Variants in FAM83G observed in about 807,000 individuals in gnomAD.
The protein encoded by FAM83G is scaffolding CK1 anchoring protein G.
In FAM83G, 38 loss-of-function variants were observed where a neutral mutation model predicts 61.5. The ratio of observed to expected loss-of-function variants is 0.62; its 90% CI spans 0.48 to 0.81. The LOEUF (loss-of-function observed/expected upper bound fraction) is 0.81. FAM83G is among the 30% of genes least tolerant of loss of function. FAM83G has a pLI of 0.00. For missense variants in FAM83G, 989 were observed against 1,133.6 expected (o/e 0.87, Z 1.83); for synonymous variants, 470 against 476.1 (o/e 0.99, Z 0.17).
In FAM83G at chr17:18,978,259, C is replaced by T. The variant is rs117693306; in HGVS notation, c.1407G>A (p.Arg469=). ...GGGGAGGGCAAGGCTCTGGACGGGG[C>T]CTGCTGTCCTGGCTCTGCTTCCACA... ...HQLWKQSQDS[R]PRPEPCPPPE... The change falls in exon 5 of 6, where the codon AGG becomes AGA. Residue 469 remains arginine, a synonymous_variant. Transcript: ENST00000388995. 3.4e-3 allele frequency: 5,424 copies of T among 1,605,896 alleles called. 222 individuals are homozygous for T. In the East Asian group the frequency reaches 0.084, roughly 25 times the overall value.
chr17:18,997,501 G>C (rs1021895414), intron 2 of FAM83G, among the ~76,000 whole-genome samples: 1 of 152,208 alleles, frequency 6.6e-6, no homozygotes, highest in African/African-American at 2.4e-5. Flanking sequence ...TTTTCAAACA[G>C]GAAAATCTCA....
Position 19,003,943 on chromosome 17 carries a change from C to T in FAM83G, c.99G>A (p.Leu33=), listed in dbSNP as rs2043806566. 2.5e-6 allele frequency: 4 copies of T among 1,612,964 alleles called. No individual in the cohort carries two copies. The highest frequency in any genetic ancestry group is 3.4e-6 in the Non-Finnish European group (4 of 1,179,932). Residue 33 remains leucine, a synonymous_variant, in exon 2 of 6, where the codon CTG becomes CTA. Transcript: ENST00000388995. This position sits in a 1 kb window ranked among gnomAD's most constrained non-coding sequence, Gnocchi z 4.5. The part of the protein sequence containing the change: ...PEFFYSEEQR[L]ALEALVARGR... ...CGCGGGCCACCAGGGCCTCCAGCGC[C>T]AGCCGCTGCTCCTCGCTGTAGAAGA...
chr17:18,987,679 C>T (rs571955026), intron 3 of FAM83G, among the ~76,000 whole-genome samples: 3 of 152,366 alleles, frequency 2.0e-5, no homozygotes, highest in East Asian at 1.9e-4. Flanking sequence ...TCCCCCACCC[C>T]AAAGGTTCTT....
intron 4 of FAM83G, chr17:18,979,239 C>T: frequency 2.1e-6 from 1 of 473,480 alleles, no homozygotes; most frequent in Non-Finnish European, 3.8e-6. Flanking sequence ...GTGGTGGTGC[C>T]CACAGAGCTG....
intron 2 of FAM83G, among the ~76,000 whole-genome samples, chr17:18,999,665 C>G (rs2043677111): frequency 6.6e-6 from 1 of 152,242 alleles, no homozygotes. Flanking sequence ...CAGAGCCAAG[C>G]TGTGGGCCAG....
In FAM83G at chr17:18,978,238, A is replaced by G; in HGVS notation, c.1428T>C (p.Pro476=). The stretch of plus-strand genomic sequence containing the variant: ...CCTGGGGGGCACTGGGCTCTGGGGG[A>G]GGGCAAGGCTCTGGACGGGGCCTGC... ...QDSRPRPEPC[P]PPEPSAPQDG... is the part of the protein sequence containing the mutation. Residue 476 remains proline, a synonymous_variant, in exon 5 of 6, where the codon CCT becomes CCC. Coordinates refer to ENST00000388995, the MANE Select transcript of FAM83G (RefSeq NM_001039999.3). 1 of 1,589,046 alleles carries G rather than the reference A, an allele frequency of 6.3e-7. No individual in the cohort carries two copies. Among genetic ancestry groups the G allele is most frequent in the Non-Finnish European group, 8.6e-7 (1 of 1,166,832 alleles).
intron 2 of FAM83G, among the ~76,000 whole-genome samples, chr17:18,999,044 C>G (rs1178793779): frequency 6.6e-6 from 1 of 152,212 alleles, no homozygotes; most frequent in African/African-American, 2.4e-5. Context: ...CTTTGGGAGG[C>G]AGAGGCGGGT....
rs1486925702 is a variant in FAM83G, at chr17:18,969,265, G to A, written c.*2094C>T. 3.2e-6 allele frequency: 5 copies of A among 1,581,388 alleles called. No individual in the cohort carries two copies. In the African/African-American group the frequency reaches 6.7e-5, roughly 21 times the overall value. ...GCAGCCCAGGAAGTGGCCCCAGCAG[G>A]AGCCCCAGAAGTTCCTCCCCGTGTC... On this transcript the variant is annotated 3_prime_UTR_variant, in exon 6 of 6. Coordinates refer to ENST00000388995, the MANE Select transcript of FAM83G (RefSeq NM_001039999.3).
chr17:18,969,578 A>G lies in FAM83G; in HGVS notation c.*1781T>C. On this transcript the variant is annotated 3_prime_UTR_variant, in exon 6 of 6. Coordinates refer to ENST00000388995, the MANE Select transcript of FAM83G (RefSeq NM_001039999.3). The stretch of plus-strand genomic sequence containing the variant: ...CAGGAGGTTGAGCCACTAGGCAGTC[A>G]GCCCCCCTGCTGGCCCCTCAGGGAC... 1.6e-6 allele frequency: 1 copy of G among 640,122 alleles called. No individual in the cohort carries two copies. 39.7% of individuals were successfully genotyped at this position (640,122 alleles called of 1,614,324 possible).
intron 3 of FAM83G, chr17:18,986,113 G>A (rs1292527716): frequency 6.6e-6 from 1 of 152,282 alleles, no homozygotes; most frequent in Non-Finnish European, 1.5e-5. Flanking sequence ...GAGCCGTGTG[G>A]GCAGCACCAG....
At chr17:18,979,516 C>T (rs1324698241) in intron 4 of FAM83G, 33 bp downstream of exon 4, 1 of 1,610,378 alleles carries the variant, frequency 6.2e-7, no homozygotes, top group Admixed American at 1.7e-5. Flanking sequence ...AGAGGTACCT[C>T]TCGCACAACT....
rs943079145 is a variant in FAM83G, at chr17:18,969,398, G to T, written c.*1961C>A. On this transcript the variant is annotated 3_prime_UTR_variant, in exon 6 of 6. Transcript: ENST00000388995. ...CCTGCAGACGCTCATCATGGTGGTG[G>T]GGGCTGTCATCCTGACAATCAAAGG... The T allele has an allele frequency of 1.2e-6, 2 of 1,613,844 alleles. No individual in the cohort carries two copies. The highest frequency in any genetic ancestry group is 1.3e-5 in the African/African-American group (1 of 75,072).
At chr17:18,974,542 G>A (rs901274124) in intron 5 of FAM83G, among the ~76,000 whole-genome samples, 6 of 152,178 alleles carry the variant, frequency 3.9e-5, no homozygotes, top group Non-Finnish European at 7.3e-5. Context: ...TGCTGATGCC[G>A]CAGCTCCAGG....
At chr17:19,002,505 C>A (rs1396012944) in intron 2 of FAM83G, among the ~76,000 whole-genome samples, 2 of 152,236 alleles carry the variant, frequency 1.3e-5, no homozygotes, top group Non-Finnish European at 2.9e-5. Context: ...GGCTGCCCTG[C>A]TCTGGGACTG....
At chr17:18,997,425 C>A (rs1258689094) in intron 2 of FAM83G, among the ~76,000 whole-genome samples, 2 of 152,280 alleles carry the variant, frequency 1.3e-5, no homozygotes, top group African/African-American at 4.8e-5. Flanking sequence ...AGCTTCCAGG[C>A]TTGCAGGCGC....
At chr17:18,977,113 G>C in intron 5 of FAM83G, 1 of 1,317,262 alleles carries the variant, frequency 7.6e-7, no homozygotes, top group East Asian at 2.4e-5. Flanking sequence ...AACCTGGGGA[G>C]TGGGGAGAGT....
In FAM83G at chr17:18,977,625, T is replaced by C; in HGVS notation, c.2041A>G (p.Lys681Glu). The part of the protein sequence containing the change: ...SRGREEADAL[K>E]RMQAQRSTDK... ...GTGGAGCGCTGGGCCTGCATCCTCT[T>C]CAACGCATCTGCTTCTTCTCTTCCC... is the stretch of plus-strand genomic sequence containing the variant. The change falls in exon 5 of 6, where the codon AAG becomes GAG. Residue 681 changes from lysine (K) to glutamate (E), a missense_variant. Lys to Glu is a moderately conservative substitution (Grantham distance 56). Coordinates refer to ENST00000388995, the MANE Select transcript of FAM83G (RefSeq NM_001039999.3). 6.2e-7 allele frequency: 1 copy of C among 1,609,618 alleles called. No individual in the cohort carries two copies. The highest frequency in any genetic ancestry group is 1.1e-5 in the South Asian group (1 of 91,058).
chr17:19,004,879 G>A (rs1323925781), upstream of FAM83G: 1 of 152,168 alleles, frequency 6.6e-6, no homozygotes, highest in East Asian at 1.9e-4. The surrounding 1 kb of genome is among the most constrained non-coding windows in gnomAD (Gnocchi z 5.4). Flanking sequence ...TCGACAGACA[G>A]ACAGACCTGG....
In FAM83G at chr17:19,003,861, C is replaced by T; in HGVS notation, c.181G>A (p.Glu61Lys). ...KRENIRDFLS[E>K]LELKRILETI... ...TCCAGGATGCGCTTGAGCTCCAGCT[C>T]CGAGAGGAAGTCTCGGATGTTCTCC... The change falls in exon 2 of 6, where the codon GAG becomes AAG. Residue 61 changes from glutamate (E) to lysine (K), a missense_variant. Coordinates refer to ENST00000388995, the MANE Select transcript of FAM83G (RefSeq NM_001039999.3). The surrounding 1 kb of genome is among the most constrained non-coding windows in gnomAD (Gnocchi z 4.5). The T allele has an allele frequency of 6.2e-7, 1 of 1,613,066 alleles. No homozygotes were observed. Among genetic ancestry groups the T allele is most frequent in the Non-Finnish European group, 8.5e-7 (1 of 1,179,938 alleles).
Sources: gnomAD v4.1 joint callset for allele counts (sites outside exome capture counted in the v4.1 genomes callset) on GRCh38, gnomAD v4.1.1 for gene constraint, Gnocchi (gnomAD v3.1) non-coding constraint, MANE v1.5 for transcripts, NCBI Gene and HGNC (gene_info 2026-07-23, HGNC 2026-07-21) for gene names.